Variants in GLI3 observed in about 807,000 individuals in gnomAD.
GLI3 encodes the protein transcription activator GLI3.
Under a neutral mutation model 100.8 loss-of-function variants are expected in GLI3, and 20 were observed. The observed-to-expected ratio is 0.20, with a 90% CI of 0.14 to 0.29. The LOEUF is 0.29. Ranked by LOEUF, GLI3 falls within the 10% of genes least tolerant of loss-of-function variation. The probability of loss-of-function intolerance (pLI) is 1.00; values close to 1 mark genes in which losing one functional copy is unlikely to be tolerated. For synonymous variants in GLI3, 938 were observed against 860.5 expected, an observed-to-expected ratio of 1.09 and a Z score of -1.58; for missense variants, 2,040 against 2,128.5, an observed-to-expected ratio of 0.96 and a Z score of 0.82.
At chr7:42,030,435 A>T (rs1305167526) in intron 7 of GLI3, among the ~76,000 whole-genome samples, 1 of 152,212 alleles carries the variant, frequency 6.6e-6, no homozygotes. Context: ...GTCACCTCAA[A>T]GAAAACTATG....
At chr7:42,053,019 A>T (rs891310943) in intron 4 of GLI3, among the ~76,000 whole-genome samples, 3 of 152,120 alleles carry the variant, frequency 2.0e-5, no homozygotes, top group Non-Finnish European at 4.4e-5. Flanking sequence ...TTCGAGACAG[A>T]GTTTCACTCT....
intron 3 of GLI3, among the ~76,000 whole-genome samples, chr7:42,081,826 A>G (rs535392136): frequency 5.1e-4 from 77 of 152,246 alleles, no homozygotes; most frequent in African/African-American, 1.8e-3. Flanking sequence ...GGAGTAATTC[A>G]CCAAATGATA....
intron 10 of GLI3, among the ~76,000 whole-genome samples, chr7:42,017,581 G>C (rs1030703767): frequency 6.6e-6 from 1 of 152,124 alleles, no homozygotes; most frequent in African/African-American, 2.4e-5. Context: ...GCACTTGAGG[G>C]AGAATCTGTT....
At chr7:42,107,381 T>C (rs894723846) in intron 3 of GLI3, among the ~76,000 whole-genome samples, 1 of 151,638 alleles carries the variant, frequency 6.6e-6, no homozygotes, top group African/African-American at 2.4e-5. Context: ...AGCATCAGGG[T>C]AGCTAAAAAG....
chr7:42,102,901 T>C (rs1349317572), intron 3 of GLI3, among the ~76,000 whole-genome samples: 2 of 152,226 alleles, frequency 1.3e-5, no homozygotes, highest in Admixed American at 6.5e-5. Context: ...TGTGGCATAT[T>C]ATAACATACA....
rs147243434 is a variant in GLI3, at chr7:42,106,709, T to G, written c.368-29852A>C. Among the ~76,000 whole-genome samples the G allele has an allele frequency of 1.3e-3, 191 of 152,358 alleles. 1 individual carries two copies. The East Asian group carries it at 0.034, about 27-fold the overall frequency. ...AGTTACTCATTTTCAAAGAATGTCCTCTGCTCAATAATCTGTTCTTCCTAC... is the reference window on the plus strand; with the variant it reads ...AGTTACTCATTTTCAAAGAATGTCCGCTGCTCAATAATCTGTTCTTCCTAC... On this transcript the variant is annotated intron_variant, in intron 3 of 14. Coordinates refer to ENST00000395925, the MANE Select transcript of GLI3 (RefSeq NM_000168.6).
intron 10 of GLI3, among the ~76,000 whole-genome samples, chr7:42,011,665 G>A (rs928096199): frequency 6.6e-6 from 1 of 152,134 alleles, no homozygotes; most frequent in Non-Finnish European, 1.5e-5. Context: ...CGTACAAAAG[G>A]TCACATTTTG....
chr7:42,043,865 CATA>C (rs1784191717), intron 6 of GLI3, among the ~76,000 whole-genome samples: 2 of 152,160 alleles, frequency 1.3e-5, no homozygotes, highest in Non-Finnish European at 2.9e-5. Flanking sequence ...AACTGATTTG[CATA>C]ATAACACAAC....
intron 3 of GLI3, among the ~76,000 whole-genome samples, chr7:42,121,933 T>C (rs1042867928): frequency 6.6e-6 from 1 of 152,104 alleles, no homozygotes; most frequent in African/African-American, 2.4e-5. Flanking sequence ...AGGTACCAAG[T>C]AGCCACAACA....
At chr7:42,216,303 G>A (rs1734282647) in intron 2 of GLI3, among the ~76,000 whole-genome samples, 1 of 152,206 alleles carries the variant, frequency 6.6e-6, no homozygotes, top group Non-Finnish European at 1.5e-5. Flanking sequence ...CTACTCTCAA[G>A]AAGTTTAACT....
intron 1 of GLI3, among the ~76,000 whole-genome samples, 193 bp downstream of exon 1, chr7:42,236,778 A>G (rs538326833): frequency 1.8e-4 from 28 of 152,292 alleles, no homozygotes; most frequent in Middle Eastern, 3.4e-3. Flanking sequence ...AGGACCTTCC[A>G]GGAGGAGGGA....
At position 42,223,279 on chromosome 7, in the gene GLI3, C is replaced by A; in HGVS notation, c.-26G>T. 1 of 1,608,046 alleles carries A rather than the reference C, an allele frequency of 6.2e-7. No individual in the cohort carries two copies. Among genetic ancestry groups the A allele is most frequent in the South Asian group, 1.1e-5 (1 of 90,904 alleles). On this transcript the variant is annotated 5_prime_UTR_variant, in exon 2 of 15. Transcript: ENST00000395925. The stretch of plus-strand genomic sequence containing the variant: ...GATGTCTTCTCATTACTTCAGCTCT[C>A]TTCGACCAAAAATGCCCTAAAGAAA...
intron 4 of GLI3, among the ~76,000 whole-genome samples, chr7:42,075,273 C>A (rs1784856467): frequency 6.6e-6 from 1 of 152,160 alleles, no homozygotes; most frequent in Non-Finnish European, 1.5e-5. Context: ...ATGAAGAACT[C>A]CAAAATTCCG....
intron 3 of GLI3, among the ~76,000 whole-genome samples, chr7:42,115,979 G>A (rs1428884013): frequency 3.3e-5 from 5 of 152,054 alleles, no homozygotes; most frequent in African/African-American, 9.7e-5. Flanking sequence ...TCCTGAGGAA[G>A]AAAGTACCTC....
In GLI3 at chr7:42,148,133, GCGCA is replaced by G. The variant is rs1251843577; in HGVS notation, c.367+89_367+92del. ...TATACAAGCCAAAACTTCATAAAGC[GCGCA>G]CACACACACACACACACACACACAC... is the stretch of plus-strand genomic sequence containing the variant. On this transcript the variant is annotated intron_variant, in intron 3 of 14. Coordinates refer to ENST00000395925, the MANE Select transcript of GLI3 (RefSeq NM_000168.6). The G allele has an allele frequency of 2.0e-4, 232 of 1,149,036 alleles. No homozygotes were observed. In the African/African-American group the frequency reaches 3.6e-3, roughly 18 times the overall value. The allele number at this position is 1,149,036 out of a possible 1,614,324, so 71.2% of individuals were successfully genotyped here.
intron 13 of GLI3, among the ~76,000 whole-genome samples, chr7:41,968,759 A>G (rs201860820): frequency 0.044 from 4,225 of 95,916 alleles, 84 homozygotes; most frequent in Middle Eastern, 0.081. Context: ...AAAGAAAGAA[A>G]GAAGGAAAGA....
chr7:41,972,245 G>A lies in GLI3; in HGVS notation c.2103+92C>T, dbSNP rs1322042421. The A allele has an allele frequency of 8.6e-7, 1 of 1,168,286 alleles. No homozygotes were observed. Among genetic ancestry groups the A allele is most frequent in the Non-Finnish European group, 1.3e-6 (1 of 776,076 alleles). 72.4% of individuals were successfully genotyped at this position (1,168,286 alleles called of 1,614,324 possible). A position where few individuals can be genotyped will look rare whatever the true frequency, so the allele number is the denominator to read the frequency against. On this transcript the variant is annotated intron_variant, in intron 13 of 14. Transcript: ENST00000395925. This position sits in a 1 kb window ranked among gnomAD's most constrained non-coding sequence, Gnocchi z 4.4. Reference sequence around the variant, plus strand: ...CTCAGATCAGAGACAGCCTGACACAGTGAGGACCGGGAAGTCCTGTCCCTC... The same window carrying A: ...CTCAGATCAGAGACAGCCTGACACAATGAGGACCGGGAAGTCCTGTCCCTC...
chr7:42,126,186 A>C (rs1786125699), intron 3 of GLI3, among the ~76,000 whole-genome samples: 1 of 152,224 alleles, frequency 6.6e-6, no homozygotes, highest in Non-Finnish European at 1.5e-5. Flanking sequence ...TCATACCAGG[A>C]GAAAGGGTAG....
intron 3 of GLI3, among the ~76,000 whole-genome samples, chr7:42,083,256 T>C (rs1229911805): frequency 6.6e-6 from 1 of 152,222 alleles, no homozygotes; most frequent in African/African-American, 2.4e-5. Context: ...AGTTCAATCA[T>C]TTTAATGTTT....
Sources: allele counts gnomAD v4.1 joint callset (sites outside exome capture counted in the v4.1 genomes callset), GRCh38; gene constraint gnomAD v4.1.1; non-coding constraint Gnocchi (gnomAD v3.1); transcripts MANE v1.5; gene names NCBI Gene and HGNC (gene_info 2026-07-23, HGNC 2026-07-21).